Variants in ELP1 observed in about 807,000 individuals in gnomAD.
The protein encoded by ELP1 is elongator acetyltransferase complex subunit 1, also known as elongator complex protein 1.
In ELP1, 131 loss-of-function variants were observed where a neutral mutation model predicts 183.2. That is an observed-to-expected ratio of 0.72 (90% CI 0.62 to 0.83). The LOEUF (loss-of-function observed/expected upper bound fraction) is 0.83, where lower values mean the gene tolerates loss of function less well. ELP1 is among the 40% of genes least tolerant of loss of function. ELP1 has a pLI of 0.00. For missense variants in ELP1, 1,550 were observed against 1,594.9 expected, an observed-to-expected ratio of 0.97 and a Z score of 0.48; for synonymous variants, 555 against 569.0, an observed-to-expected ratio of 0.98 and a Z score of 0.35.
chr9:108,872,831 A>AC (rs1366526162), intron 36 of ELP1, among the ~76,000 whole-genome samples: 9 of 146,664 alleles, frequency 6.1e-5, no homozygotes, highest in Admixed American at 5.5e-4. Flanking sequence ...AAAAAAAAAA[A>AC]AAAAAAAACT....
At chr9:108,896,452 T>G (rs1470043001) in intron 25 of ELP1, 44 bp downstream of exon 25, 3 of 1,595,502 alleles carry the variant, frequency 1.9e-6, no homozygotes, top group Non-Finnish European at 2.6e-6. Flanking sequence ...ACTATCATTA[T>G]ATAAACAAGA....
chr9:108,919,202 T>A (rs1419067559), intron 7 of ELP1, 51 bp downstream of exon 7: 13 of 1,335,874 alleles, frequency 9.7e-6, no homozygotes. Context: ...TCCTTAATTT[T>A]AATAAGATAA....
chr9:108,925,578 A>AT (rs1829799851), intron 5 of ELP1, among the ~76,000 whole-genome samples: 2 of 152,078 alleles, frequency 1.3e-5, no homozygotes, highest in Admixed American at 1.3e-4. Context: ...CCCAACACCA[A>AT]TTCAGCTGAG....
At chr9:108,907,347 G>A (rs868698397) in intron 13 of ELP1, among the ~76,000 whole-genome samples, 2 of 151,860 alleles carry the variant, frequency 1.3e-5, no homozygotes, top group African/African-American at 4.8e-5. Context: ...TTTCTAATTT[G>A]TCCTCTATCT....
At position 108,929,881 on chromosome 9, in the gene ELP1, G is replaced by A; in HGVS notation, c.191C>T (p.Pro64Leu). 6.2e-7 allele frequency: 1 copy of A among 1,613,826 alleles called. No homozygotes were observed. Among genetic ancestry groups the A allele is most frequent in the East Asian group, 2.2e-5 (1 of 44,874 alleles). ...EVSLVAEGFL[P>L]EDGSGRIVGV... ...AACAATGCGGCCACTTCCATCCTCTGGGAGAAAGCCTTCTGCCACCAAAGA... is the reference window on the plus strand; with the variant it reads ...AACAATGCGGCCACTTCCATCCTCTAGGAGAAAGCCTTCTGCCACCAAAGA... Residue 64 changes from proline (P) to leucine (L), a missense_variant, in exon 3 of 37, where the codon CCA (proline) becomes CTA (leucine). Pro to Leu is a moderately conservative substitution (Grantham distance 98). Coordinates refer to ENST00000374647, the MANE Select transcript of ELP1 (RefSeq NM_003640.5).
chr9:108,907,802 T>C (rs934964722), intron 13 of ELP1, among the ~76,000 whole-genome samples: 1 of 152,206 alleles, frequency 6.6e-6, no homozygotes, highest in African/African-American at 2.4e-5. Flanking sequence ...CAAATGCCTA[T>C]AGTGTACCTG....
chr9:108,930,876 G>T, intron 2 of ELP1, 121 bp downstream of exon 2: 1 of 934,388 alleles, frequency 1.1e-6, no homozygotes, highest in Non-Finnish European at 1.7e-6. Context: ...AGCAAAAGAT[G>T]TTTATTTGGG....
In ELP1 at chr9:108,882,114, A is replaced by G. The variant is rs745735611; in HGVS notation, c.3285+11T>C. 1 of 1,611,998 alleles carries G rather than the reference A, an allele frequency of 6.2e-7. No homozygotes were observed. Among genetic ancestry groups the G allele is most frequent in the South Asian group, 1.1e-5 (1 of 91,038 alleles). The stretch of plus-strand genomic sequence containing the variant: ...AGCACCCAACATCCAGAGGATTTAC[A>G]AGATTCTTACCAGCCTCAAAGCTTC... On this transcript the variant is annotated intron_variant, in intron 30 of 36. Transcript: ENST00000374647.
At chr9:108,914,083 G>C (rs1278716313) in intron 10 of ELP1, among the ~76,000 whole-genome samples, 1 of 152,132 alleles carries the variant, frequency 6.6e-6, no homozygotes, top group East Asian at 1.9e-4. Context: ...AATGAATAAT[G>C]AGTTTCTTAA....
intron 29 of ELP1, among the ~76,000 whole-genome samples, chr9:108,886,997 C>A (rs1009450741): frequency 6.6e-6 from 1 of 151,864 alleles, no homozygotes; most frequent in Non-Finnish European, 1.5e-5. Context: ...TTGCTTGAAT[C>A]CAACAGTTCA....
chr9:108,924,836 A>T (rs911023476), intron 5 of ELP1, among the ~76,000 whole-genome samples: 1 of 152,150 alleles, frequency 6.6e-6, no homozygotes, highest in Non-Finnish European at 1.5e-5. Context: ...TGTTACTGGC[A>T]TCTTTATTCC....
At chr9:108,914,663 G>A (rs190043648) in intron 10 of ELP1, among the ~76,000 whole-genome samples, 24 of 151,914 alleles carry the variant, frequency 1.6e-4, no homozygotes, top group African/African-American at 2.2e-4. Context: ...TCACTCTGTC[G>A]CCAAGGCTGG....
rs1829259785 is a variant in ELP1 at position 108,912,385 on chromosome 9, T to C, written c.1068A>G (p.Pro356=). Residue 356 remains proline, a synonymous_variant, in exon 11 of 37, where the codon CCA becomes CCG. Coordinates refer to ENST00000374647, the MANE Select transcript of ELP1 (RefSeq NM_003640.5). ...CCTGACAGAGAACATGCAGCCGGTA[T>C]GGGGTCACAGGGTCCCACATCAGAG... ...IVSLMWDPVT[P]YRLHVLCQGW... The C allele has an allele frequency of 1.9e-6, 3 of 1,614,040 alleles. No homozygotes were observed. Among genetic ancestry groups the C allele is most frequent in the Non-Finnish European group, 1.7e-6 (2 of 1,180,038 alleles).
chr9:108,899,215 G>C (rs1046598546), intron 20 of ELP1, among the ~76,000 whole-genome samples: 2 of 151,806 alleles, frequency 1.3e-5, no homozygotes, highest in Non-Finnish European at 1.5e-5. Flanking sequence ...TGGGAGGATT[G>C]CTTGAACCCA....
chr9:108,893,129 G>T, intron 26 of ELP1, 46 bp from the exon 27 acceptor site: 1 of 1,338,210 alleles, frequency 7.5e-7, no homozygotes, highest in African/African-American at 1.4e-5. Flanking sequence ...GACATGGGAA[G>T]CATAATGGAC....
intron 28 of ELP1, chr9:108,889,630 A>G (rs1421046833): frequency 8.7e-6 from 5 of 573,616 alleles, no homozygotes; most frequent in Admixed American, 5.6e-5. Flanking sequence ...CAAAGCATGT[A>G]TATGGGAAAA....
In ELP1 at chr9:108,894,481, G is replaced by A. The variant is rs139960338; in HGVS notation, c.2737-415C>T. 8.3e-3 allele frequency among the ~76,000 whole-genome samples: 1,271 copies of A among 152,302 alleles called. 10 individuals are homozygous for A. Among genetic ancestry groups the A allele is most frequent in the Middle Eastern group, 0.014 (4 of 294 alleles). On this transcript the variant is annotated intron_variant, in intron 25 of 36. Coordinates refer to ENST00000374647, the MANE Select transcript of ELP1 (RefSeq NM_003640.5). ...AGATAAACCCACACAGTTCAAACTC[G>A]CACAGTTGAAACTCACGTTGTGCAA... is the stretch of plus-strand genomic sequence containing the variant.
intron 36 of ELP1, 69 bp downstream of exon 36, chr9:108,874,823 ATCT>A: frequency 9.6e-7 from 1 of 1,037,316 alleles, no homozygotes; most frequent in Non-Finnish European, 1.5e-6. Context: ...TATACTGCTG[ATCT>A]TCTCAATACT....
chr9:108,933,702 G>A (rs115665359), intron 1 of ELP1, among the ~76,000 whole-genome samples, 162 bp downstream of exon 1: 5 of 152,244 alleles, frequency 3.3e-5, no homozygotes, highest in African/African-American at 1.2e-4. Context: ...GGAGCAGGTG[G>A]CAAGGCTGCA....
Sources: allele counts gnomAD v4.1 joint callset (sites outside exome capture counted in the v4.1 genomes callset), GRCh38; gene constraint gnomAD v4.1.1; transcripts MANE v1.5; gene names NCBI Gene and HGNC (gene_info 2026-07-23, HGNC 2026-07-21).